Variants in ACMSD observed in about 807,000 individuals in gnomAD.
ACMSD encodes the protein aminocarboxymuconate semialdehyde decarboxylase, also known as 2-amino-3-carboxymuconate-6-semialdehyde decarboxylase.
A neutral mutation model predicts 45.9 loss-of-function variants in ACMSD; 37 were observed. The observed-to-expected ratio is 0.81, with a 90% CI of 0.62 to 1.06. The LOEUF (loss-of-function observed/expected upper bound fraction) is 1.06, where lower values mean the gene tolerates loss of function less well. ACMSD is among the 50% of genes least tolerant of loss of function. The pLI, the probability that ACMSD is intolerant of heterozygous loss-of-function variation, is 0.00. For missense variants in ACMSD, 434 were observed against 420.9 expected (o/e 1.03, Z -0.27); for synonymous variants, 138 against 148.8 (o/e 0.93, Z 0.53).
At chr2:134,856,992 T>C (rs1687614308) in intron 2 of ACMSD, among the ~76,000 whole-genome samples, 3 of 152,224 alleles carry the variant, frequency 2.0e-5, no homozygotes, top group African/African-American at 4.8e-5. Flanking sequence ...AGTATGGACA[T>C]TTAAACAATA....
At chr2:134,846,450 T>G (rs887588794) in intron 2 of ACMSD, among the ~76,000 whole-genome samples, 5 of 152,230 alleles carry the variant, frequency 3.3e-5, no homozygotes, top group Non-Finnish European at 5.9e-5. Context: ...ATTGCCCAGC[T>G]GGAGTGCAGT....
chr2:134,886,622 T>A (rs1018477530), intron 8 of ACMSD, among the ~76,000 whole-genome samples: 9 of 151,832 alleles, frequency 5.9e-5, no homozygotes, highest in African/African-American at 2.2e-4. Flanking sequence ...GAGATTGTCA[T>A]AAAAAAAATC....
chr2:134,844,824 G>A (rs1477794152), intron 1 of ACMSD, among the ~76,000 whole-genome samples: 1 of 151,904 alleles, frequency 6.6e-6, no homozygotes, highest in East Asian at 1.9e-4. Flanking sequence ...CCACTAAACT[G>A]ATATCACAAT....
chr2:134,847,397 C>CAGATAGATAGATAGACAGATAGATAGAT (rs1553508770), intron 2 of ACMSD, among the ~76,000 whole-genome samples: 2 of 81,460 alleles, frequency 2.5e-5, no homozygotes, highest in African/African-American at 9.9e-5. Context: ...TTTGGGGATA[C>CAGATAGATAGATAGACAGATAGATAGAT]AGATAGATAG....
chr2:134,893,381 TCTCA>T (rs550076078), intron 8 of ACMSD, among the ~76,000 whole-genome samples: 7 of 152,088 alleles, frequency 4.6e-5, no homozygotes, highest in Middle Eastern at 3.4e-3. Flanking sequence ...TTTATTAAGG[TCTCA>T]CTATGTTGCC....
In ACMSD at chr2:134,849,399, T is replaced by A. The variant is rs1687225046; in HGVS notation, c.102+4122T>A. Among the ~76,000 whole-genome samples, 2 of 152,204 alleles carry A rather than the reference T, an allele frequency of 1.3e-5. 1 individual carries two copies. Among genetic ancestry groups the A allele is most frequent in the South Asian group, 4.1e-4 (2 of 4,832 alleles). On this transcript the variant is annotated intron_variant, in intron 2 of 9. Transcript: ENST00000356140. ...AGTCTGTATTTTTCATAATTACAGT[T>A]GTCAGGGATTTGAGTCCATAGAAAA... is the stretch of plus-strand genomic sequence containing the variant.
At chr2:134,859,418 G>C in intron 3 of ACMSD, 61 bp downstream of exon 3, 1 of 1,524,852 alleles carries the variant, frequency 6.6e-7, no homozygotes, top group Non-Finnish European at 9.1e-7. Context: ...TGCCCTTAAA[G>C]TTTGCTGACA....
intron 2 of ACMSD, among the ~76,000 whole-genome samples, chr2:134,849,963 AAC>A (rs10617563): frequency 0.3 from 43,836 of 145,482 alleles, 6,582 homozygotes; most frequent in South Asian, 0.48. Flanking sequence ...GGGCCTTGGG[AAC>A]ACACACACAC....
Position 134,872,540 on chromosome 2 carries a change from G to T in ACMSD, c.748G>T (p.Asp250Tyr). The change falls in exon 8 of 10, where the codon GAC (aspartate) becomes TAC (tyrosine). Residue 250 changes from aspartate to tyrosine, a missense_variant. By Grantham distance (160) the Asp-to-Tyr change is radical. Transcript: ENST00000356140. ...CATGCGCCCAGATCTGTGTGCCCAG[G>T]ACAACCCCATGAACCCGAAGAAATA... ...FSMRPDLCAQ[D>Y]NPMNPKKYLG... 1 of 1,614,108 alleles carries T rather than the reference G, an allele frequency of 6.2e-7. No homozygotes were observed. Among genetic ancestry groups the T allele is most frequent in the Non-Finnish European group, 8.5e-7 (1 of 1,180,022 alleles).
rs747107540 is a variant in ACMSD at position 134,863,458 on chromosome 2, G to C, written c.313G>C (p.Val105Leu). 6.2e-7 allele frequency: 1 copy of C among 1,614,246 alleles called. No individual in the cohort carries two copies. The highest frequency in any genetic ancestry group is 1.7e-5 in the Admixed American group (1 of 60,028). Residue 105 changes from valine (V) to leucine (L), a missense_variant, in exon 5 of 10, where the codon GTG (valine) becomes CTG (leucine). Coordinates refer to ENST00000356140, the MANE Select transcript of ACMSD (RefSeq NM_138326.3). ...LLNNDLASTV[V>L]SYPRRFVGLG... ...AAACAACGACCTTGCCAGCACCGTT[G>C]TGAGCTACCCCAGGAGGTTCGTGGG... is the stretch of plus-strand genomic sequence containing the variant.
At chr2:134,859,210 A>T in intron 2 of ACMSD, 51 bp from the exon 3 acceptor site, 1 of 1,427,584 alleles carries the variant, frequency 7.0e-7, no homozygotes, top group Non-Finnish European at 9.9e-7. Flanking sequence ...AGGAAAGATT[A>T]GTCCAAGTGG....
intron 2 of ACMSD, among the ~76,000 whole-genome samples, 161 bp downstream of exon 2, chr2:134,845,438 G>A (rs564699176): frequency 6.7e-6 from 1 of 148,840 alleles, no homozygotes; most frequent in South Asian, 2.2e-4. Context: ...AGAATAATTG[G>A]GAAAAATGGA....
intron 6 of ACMSD, among the ~76,000 whole-genome samples, chr2:134,870,566 A>G (rs576914523): frequency 6.6e-6 from 1 of 152,328 alleles, no homozygotes; most frequent in Admixed American, 6.5e-5. Context: ...TGGGCAACAC[A>G]GACGTCATCT....
chr2:134,888,058 A>G (rs1689559927), intron 8 of ACMSD, among the ~76,000 whole-genome samples: 1 of 152,218 alleles, frequency 6.6e-6, no homozygotes, highest in African/African-American at 2.4e-5. Context: ...AGCTCATCCT[A>G]AGACAACATT....
intron 8 of ACMSD, among the ~76,000 whole-genome samples, chr2:134,875,615 T>C (rs569283561): frequency 6.6e-6 from 1 of 152,324 alleles, no homozygotes; most frequent in African/African-American, 2.4e-5. Flanking sequence ...ATGCAGGTTA[T>C]AGATTATCAG....
At chr2:134,855,517 G>T (rs1321883721) in intron 2 of ACMSD, among the ~76,000 whole-genome samples, 1 of 152,218 alleles carries the variant, frequency 6.6e-6, no homozygotes, top group Non-Finnish European at 1.5e-5. Flanking sequence ...GCAGAAGAAG[G>T]CTAGGCCCTG....
rs746255722 is a variant in ACMSD, at chr2:134,863,440, G to A, written c.295G>A (p.Asp99Asn). ...TLNLCQLLNN[D>N]LASTVVSYPR... is the part of the protein sequence containing the mutation. The stretch of plus-strand genomic sequence containing the variant: ...AAACCTGTGCCAGCTTTTAAACAAC[G>A]ACCTTGCCAGCACCGTTGTGAGCTA... The change falls in exon 5 of 10, where the codon GAC becomes AAC. Residue 99 changes from aspartate (D) to asparagine (N), a missense_variant. Asp to Asn is a conservative substitution (Grantham distance 23, BLOSUM62 1). Transcript: ENST00000356140. The A allele has an allele frequency of 4.3e-5, 70 of 1,614,210 alleles. No homozygotes were observed. The highest frequency in any genetic ancestry group is 2.1e-4 in the African/African-American group (16 of 75,062).
At chr2:134,873,861 C>T (rs1688593856) in intron 8 of ACMSD, among the ~76,000 whole-genome samples, 2 of 152,010 alleles carry the variant, frequency 1.3e-5, no homozygotes, top group African/African-American at 2.4e-5. Context: ...AGGGCAGAAA[C>T]TGAAAGAGAC....
At chr2:134,860,856 CAAAAAAA>C (rs60233157) in intron 3 of ACMSD, among the ~76,000 whole-genome samples, 105 of 72,454 alleles carry the variant, frequency 1.4e-3, no homozygotes, top group Middle Eastern at 6.4e-3. Context: ...CCTGTCTCCA[CAAAAAAA>C]AAAAAAAAAA....
Sources: allele counts gnomAD v4.1 joint callset (sites outside exome capture counted in the v4.1 genomes callset), GRCh38; gene constraint gnomAD v4.1.1; transcripts MANE v1.5; gene names NCBI Gene and HGNC (gene_info 2026-07-23, HGNC 2026-07-21).